Variants in ANO4 observed in about 807,000 individuals in gnomAD.
ANO4 encodes anoctamin-4.
In ANO4, 69 loss-of-function variants were observed where a neutral mutation model predicts 141.9. The observed-to-expected ratio is 0.49, with a 90% CI of 0.40 to 0.59. ANO4 has a LOEUF of 0.59. Among genes scored for constraint, ANO4 ranks in the 20% least tolerant of loss-of-function variants. The pLI is 0.00. For synonymous variants in ANO4, 350 were observed against 394.3 expected (o/e 0.89, Z 1.33); for missense variants, 894 against 1,162.2 (o/e 0.77, Z 3.36).
chr12:101,057,089 G>A (rs188416757), intron 14 of ANO4, among the ~76,000 whole-genome samples: 8 of 151,690 alleles, frequency 5.3e-5, no homozygotes, highest in Admixed American at 2.6e-4. Context: ...CCACTTAGGA[G>A]TGAGAACATG....
intron 1 of ANO4, among the ~76,000 whole-genome samples, chr12:100,830,185 T>A (rs971453136): frequency 1.3e-5 from 2 of 152,066 alleles, no homozygotes; most frequent in African/African-American, 2.4e-5. Flanking sequence ...ATTGCCACAT[T>A]TCTGGCTGCT....
chr12:101,098,113 A>G (rs2050055821), intron 21 of ANO4, among the ~76,000 whole-genome samples, 168 bp downstream of exon 21: 1 of 152,206 alleles, frequency 6.6e-6, no homozygotes, highest in South Asian at 2.1e-4. Context: ...AATCATAAAC[A>G]TTGGCTCTTC....
intron 1 of ANO4, among the ~76,000 whole-genome samples, chr12:100,839,619 G>C (rs1052997980): frequency 2.0e-5 from 3 of 151,924 alleles, no homozygotes; most frequent in Non-Finnish European, 4.4e-5. Flanking sequence ...AAATAAATAA[G>C]GTAAAATATC....
intron 22 of ANO4, among the ~76,000 whole-genome samples, chr12:101,103,097 A>G (rs2050254006): frequency 6.7e-6 from 1 of 148,788 alleles, no homozygotes; most frequent in Non-Finnish European, 1.5e-5. Flanking sequence ...AGAGTTGCTT[A>G]TATATTTTTT....
At chr12:101,091,808 G>A (rs1293491657) in intron 17 of ANO4, among the ~76,000 whole-genome samples, 2 of 151,784 alleles carry the variant, frequency 1.3e-5, no homozygotes, top group Non-Finnish European at 2.9e-5. Context: ...CTTTTTGCTA[G>A]ATTTGTCCAG....
At chr12:100,921,291 G>A (rs1342977457) in intron 2 of ANO4, among the ~76,000 whole-genome samples, 5 of 149,800 alleles carry the variant, frequency 3.3e-5, no homozygotes, top group Non-Finnish European at 7.4e-5. Context: ...AAGCGTTCCT[G>A]TGAGGCTATG....
chr12:101,058,196 C>A (rs1225380456), intron 14 of ANO4, among the ~76,000 whole-genome samples: 4 of 151,288 alleles, frequency 2.6e-5, no homozygotes, highest in Non-Finnish European at 5.9e-5. Context: ...ATTTCTGAGG[C>A]CTCTGTTCTG....
At chr12:100,865,879 AG>A (rs1185036209) in intron 1 of ANO4, among the ~76,000 whole-genome samples, 4 of 152,146 alleles carry the variant, frequency 2.6e-5, no homozygotes, top group Non-Finnish European at 5.9e-5. Flanking sequence ...TTGGGGGAGG[AG>A]ATAGCCATTG....
At chr12:100,739,655 A>T (rs1394811667) in intron 2 of ANO4, among the ~76,000 whole-genome samples, 1 of 152,156 alleles carries the variant, frequency 6.6e-6, no homozygotes, top group Non-Finnish European at 1.5e-5. Flanking sequence ...GGCACTTAGC[A>T]TGCGCTTAAT....
At chr12:101,118,592 C>G (rs2050950041) in intron 25 of ANO4, among the ~76,000 whole-genome samples, 1 of 152,146 alleles carries the variant, frequency 6.6e-6, no homozygotes, top group African/African-American at 2.4e-5. Flanking sequence ...TTCTCAAATA[C>G]ATTAATGACC....
intron 22 of ANO4, among the ~76,000 whole-genome samples, chr12:101,104,391 CA>C (rs2050325466): frequency 6.6e-6 from 1 of 151,312 alleles, no homozygotes; most frequent in Non-Finnish European, 1.5e-5. Flanking sequence ...CTGTATCCCA[CA>C]AGTTTTTATA....
At chr12:100,780,215 C>T (rs114158305) in intron 3 of ANO4, among the ~76,000 whole-genome samples, 138 of 152,176 alleles carry the variant, frequency 9.1e-4, no homozygotes, top group African/African-American at 3.0e-3. Context: ...TGAGGTCTCA[C>T]TAATGCAGGA....
At chr12:101,082,821 G>A (rs2049338782) in intron 15 of ANO4, among the ~76,000 whole-genome samples, 1 of 152,156 alleles carries the variant, frequency 6.6e-6, no homozygotes, top group Non-Finnish European at 1.5e-5. Context: ...TTTCTGCCTG[G>A]ATTAACTCAA....
chr12:101,086,652 C>T lies in ANO4; in HGVS notation c.1537-8C>T, dbSNP rs768903338. The stretch of plus-strand genomic sequence containing the variant: ...AGAGGTTCACCGGGTGTCTTGTCTT[C>T]CTGCCAGATCTGCGTGGTGATTGCT... On this transcript the variant is annotated splice_region_variant and splice_polypyrimidine_tract_variant and intron_variant, in intron 16 of 27. Transcript: ENST00000392977. 5.0e-6 allele frequency: 8 copies of T among 1,613,184 alleles called. No individual in the cohort carries two copies. Among genetic ancestry groups the T allele is most frequent in the Non-Finnish European group, 6.8e-6 (8 of 1,179,610 alleles).
At position 100,898,128 on chromosome 12, in the gene ANO4, T is replaced by C. The variant is rs79590400; in HGVS notation, c.-140-3518T>C. 7.7e-3 allele frequency among the ~76,000 whole-genome samples: 1,170 copies of C among 152,332 alleles called. 15 individuals carry two copies. Among genetic ancestry groups the C allele is most frequent in the African/African-American group, 0.027 (1,104 of 41,574 alleles). The stretch of plus-strand genomic sequence containing the variant: ...AACATAGATACCAATTCTCAGGCTC[T>C]TATGGTTGTGATGATACATTAATGG... On this transcript the variant is annotated intron_variant, in intron 1 of 27. Coordinates refer to ENST00000392977, the MANE Select transcript of ANO4 (RefSeq NM_001286615.2).
intron 3 of ANO4, among the ~76,000 whole-genome samples, chr12:100,780,048 G>A (rs2135577599): frequency 6.6e-6 from 1 of 151,938 alleles, no homozygotes; most frequent in East Asian, 1.9e-4. Flanking sequence ...TTTTAAGACA[G>A]GGTATTACCC....
chr12:100,930,599 A>T (rs1175441482), intron 3 of ANO4, among the ~76,000 whole-genome samples: 1 of 151,982 alleles, frequency 6.6e-6, no homozygotes, highest in Non-Finnish European at 1.5e-5. Context: ...ATTTTTTTTA[A>T]ATCTCATGAC....
At chr12:100,803,854 T>A (rs1013912924) in intron 1 of ANO4, among the ~76,000 whole-genome samples, 1 of 152,214 alleles carries the variant, frequency 6.6e-6, no homozygotes, top group Non-Finnish European at 1.5e-5. Flanking sequence ...TAACAATTGT[T>A]AACCTGTTAT....
chr12:100,829,939 G>C (rs902205237), intron 1 of ANO4, among the ~76,000 whole-genome samples: 1 of 152,038 alleles, frequency 6.6e-6, no homozygotes, highest in Non-Finnish European at 1.5e-5. Flanking sequence ...GTAAGAACCA[G>C]CATTGTGGTG....
Sources: gnomAD v4.1 joint callset for allele counts (sites outside exome capture counted in the v4.1 genomes callset) on GRCh38, gnomAD v4.1.1 for gene constraint, MANE v1.5 for transcripts, NCBI Gene and HGNC (gene_info 2026-07-23, HGNC 2026-07-21) for gene names.